UGGT1: variants seen among roughly 807,000 people sequenced by gnomAD.
UGGT1 encodes UDP-glucose:glycoprotein glucosyltransferase 1.
Under a neutral mutation model 203.9 loss-of-function variants are expected in UGGT1, and 107 were observed. The ratio of observed to expected loss-of-function variants is 0.52; its 90% CI spans 0.45 to 0.62. The LOEUF (loss-of-function observed/expected upper bound fraction) is 0.62. Ranked by LOEUF, UGGT1 falls within the 20% of genes least tolerant of loss-of-function variation. The pLI is 0.00. For synonymous variants in UGGT1, 628 were observed against 653.5 expected (o/e 0.96, Z 0.59); for missense variants, 1,673 against 1,867.2 (o/e 0.90, Z 1.92).
chr2:128,154,387 T>C (rs552994491), intron 19 of UGGT1, among the ~76,000 whole-genome samples: 54 of 152,300 alleles, frequency 3.5e-4, no homozygotes, highest in African/African-American at 1.2e-3. Flanking sequence ...TATGAAACAG[T>C]GCTAGTCCAC....
chr2:128,139,008 A>C (rs1465314463), intron 16 of UGGT1, among the ~76,000 whole-genome samples, 156 bp downstream of exon 16: 1 of 152,174 alleles, frequency 6.6e-6, no homozygotes, highest in Non-Finnish European at 1.5e-5. Context: ...ATAGAGATGG[A>C]TCTGAGGAAG....
intron 30 of UGGT1, among the ~76,000 whole-genome samples, chr2:128,174,307 TA>T (rs965973199): frequency 6.6e-6 from 1 of 150,738 alleles, no homozygotes; most frequent in African/African-American, 2.4e-5. Context: ...TTTATTGTAC[TA>T]GTTTTTTTTT....
intron 30 of UGGT1, among the ~76,000 whole-genome samples, 193 bp from the exon 31 acceptor site, chr2:128,174,580 C>T (rs1169799615): frequency 2.0e-5 from 3 of 152,140 alleles, no homozygotes; most frequent in East Asian, 1.9e-4. Context: ...GGATTACAGG[C>T]GTGAGCCACC....
At chr2:128,121,329 A>C in intron 10 of UGGT1, 31 bp downstream of exon 10, 1 of 1,485,128 alleles carries the variant, frequency 6.7e-7, no homozygotes, top group South Asian at 1.2e-5. Flanking sequence ...TCTCCTTAAC[A>C]TCATACCCAG....
intron 13 of UGGT1, among the ~76,000 whole-genome samples, chr2:128,131,724 T>C (rs1235102626): frequency 6.6e-6 from 1 of 152,058 alleles, no homozygotes; most frequent in Non-Finnish European, 1.5e-5. Context: ...GCCTCCCAGG[T>C]TCAAACGATT....
intron 9 of UGGT1, 131 bp downstream of exon 9, chr2:128,120,587 T>C: frequency 1.4e-6 from 1 of 709,858 alleles, no homozygotes; most frequent in Non-Finnish European, 2.4e-6. Flanking sequence ...AAGATAAGAG[T>C]GATTAATTAC....
At chr2:128,183,602 C>A in intron 37 of UGGT1, 73 bp from the exon 38 acceptor site, 4 of 1,121,344 alleles carry the variant, frequency 3.6e-6, no homozygotes, top group Non-Finnish European at 5.4e-6. Flanking sequence ...GTGGCCTGTT[C>A]CATTATTCAT....
chr2:128,166,387 C>T (rs557009362), intron 26 of UGGT1, among the ~76,000 whole-genome samples: 6 of 152,256 alleles, frequency 3.9e-5, no homozygotes, highest in African/African-American at 9.6e-5. Context: ...TGACGTTTTC[C>T]GCATGTGTAT....
chr2:128,176,976 G>T, intron 32 of UGGT1, 78 bp downstream of exon 32: 1 of 1,395,770 alleles, frequency 7.2e-7, no homozygotes, highest in African/African-American at 1.4e-5. Flanking sequence ...ACCAGCCCAA[G>T]AGTCTCTTTG....
At chr2:128,098,134 A>G (rs1340054697) in intron 2 of UGGT1, among the ~76,000 whole-genome samples, 1 of 152,090 alleles carries the variant, frequency 6.6e-6, no homozygotes, top group African/African-American at 2.4e-5. Flanking sequence ...AAGTGCTGGG[A>G]TTACAGATGT....
intron 26 of UGGT1, among the ~76,000 whole-genome samples, chr2:128,165,740 G>C (rs1048450716): frequency 1.3e-5 from 2 of 151,808 alleles, no homozygotes; most frequent in African/African-American, 4.8e-5. Flanking sequence ...TAAAGTACTT[G>C]TCTCATTCAT....
In UGGT1 at chr2:128,186,691, C is replaced by G; in HGVS notation, c.4368C>G (p.Pro1456=). Residue 1456 remains proline, a synonymous_variant, in exon 39 of 41, where the codon CCC becomes CCG. Coordinates refer to ENST00000259253, the MANE Select transcript of UGGT1 (RefSeq NM_020120.4). The part of the protein sequence containing the change: ...NSLSNLDQDL[P]NNMIHQVPIK... ...TTTTTTTAACCAAACAGGATCTGCC[C>G]AATAACATGATTCATCAGGTGCCAA... The G allele has an allele frequency of 6.2e-7, 1 of 1,612,060 alleles. No individual in the cohort carries two copies. Among genetic ancestry groups the G allele is most frequent in the South Asian group, 1.1e-5 (1 of 90,814 alleles).
intron 7 of UGGT1, among the ~76,000 whole-genome samples, chr2:128,115,435 T>C (rs1053719233): frequency 3.4e-5 from 5 of 148,984 alleles, no homozygotes; most frequent in Non-Finnish European, 7.4e-5. Context: ...TCTTCCAGTA[T>C]TGGGGAGGAA....
intron 18 of UGGT1, among the ~76,000 whole-genome samples, chr2:128,150,695 A>T (rs1422697370): frequency 2.0e-4 from 27 of 133,992 alleles, no homozygotes; most frequent in Non-Finnish European, 2.8e-4. Context: ...ACAAATGTTT[A>T]TTCTTATATG....
In UGGT1 at chr2:128,127,470, C is replaced by T. The variant is rs2105409111; in HGVS notation, c.1226+18C>T. On this transcript the variant is annotated intron_variant, in intron 12 of 40. Coordinates refer to ENST00000259253, the MANE Select transcript of UGGT1 (RefSeq NM_020120.4). ...ATATTCAGGTATGGATAATATTTTT[C>T]ATTCTCTGAAAAGTTTTTGTAATGC... 6.3e-7 allele frequency: 1 copy of T among 1,583,136 alleles called. No individual in the cohort carries two copies. Among genetic ancestry groups the T allele is most frequent in the East Asian group, 2.2e-5 (1 of 44,670 alleles).
intron 18 of UGGT1, among the ~76,000 whole-genome samples, chr2:128,149,852 C>T: frequency 6.6e-6 from 1 of 152,038 alleles, no homozygotes; most frequent in East Asian, 1.9e-4. Context: ...ATCCCAGCTA[C>T]TCGGGAGGCT....
Position 128,147,403 on chromosome 2 carries a change from G to T in UGGT1, c.2016+1436G>T, listed in dbSNP as rs1689743147. Among the ~76,000 whole-genome samples, 6 of 152,240 alleles carry T rather than the reference G, an allele frequency of 3.9e-5. No homozygotes were observed. The South Asian group carries it at 1.2e-3, about 32-fold the overall frequency. On this transcript the variant is annotated intron_variant, in intron 18 of 40. Coordinates refer to ENST00000259253, the MANE Select transcript of UGGT1 (RefSeq NM_020120.4). ...GTTGGTCTTAAACTTTACTTTGGTAGACATGGTTTCTTTTAGTTCTTGAAT... is the reference window on the plus strand; with the variant it reads ...GTTGGTCTTAAACTTTACTTTGGTATACATGGTTTCTTTTAGTTCTTGAAT...
intron 1 of UGGT1, among the ~76,000 whole-genome samples, chr2:128,094,513 T>G (rs1558742586): frequency 6.6e-6 from 1 of 152,164 alleles, no homozygotes; most frequent in Non-Finnish European, 1.5e-5. Flanking sequence ...CTATTATTCC[T>G]ACTTTGATAG....
chr2:128,167,632 C>T (rs907710769), intron 26 of UGGT1, among the ~76,000 whole-genome samples: 15 of 152,190 alleles, frequency 9.9e-5, no homozygotes, highest in African/African-American at 2.9e-4. Context: ...ATTTACTCTA[C>T]GAACCATAGG....
Sources: allele counts gnomAD v4.1 joint callset (sites outside exome capture counted in the v4.1 genomes callset), GRCh38; gene constraint gnomAD v4.1.1; transcripts MANE v1.5; gene names NCBI Gene and HGNC (gene_info 2026-07-23, HGNC 2026-07-21).